PHACTR1: variants seen among roughly 807,000 people sequenced by gnomAD.
PHACTR1 encodes RPEL repeat containing 1.
Under a neutral mutation model 69.2 loss-of-function variants are expected in PHACTR1, and 16 were observed. The ratio of observed to expected loss-of-function variants is 0.23; its 90% CI spans 0.16 to 0.35. PHACTR1 has a LOEUF of 0.35. Among genes scored for constraint, PHACTR1 ranks in the 10% least tolerant of loss-of-function variants. The probability of loss-of-function intolerance (pLI) is 1.00; values close to 1 mark genes in which losing one functional copy is unlikely to be tolerated. For synonymous variants in PHACTR1, 312 were observed against 284.5 expected (o/e 1.10, Z -0.97); for missense variants, 510 against 734.7 (o/e 0.69, Z 3.54).
chr6:13,168,604 G>A (rs1760152655), intron 6 of PHACTR1, among the ~76,000 whole-genome samples: 2 of 152,172 alleles, frequency 1.3e-5, no homozygotes. Context: ...AATGGAGAAA[G>A]GATAGTATTT....
intron 4 of PHACTR1, among the ~76,000 whole-genome samples, chr6:12,877,098 C>T (rs889882291): frequency 8.5e-5 from 13 of 152,188 alleles, no homozygotes; most frequent in Non-Finnish European, 1.8e-4. Flanking sequence ...ATGCTAATCT[C>T]GTCCCAATGC....
intron 3 of PHACTR1, among the ~76,000 whole-genome samples, chr6:12,740,602 T>C (rs1478161987): frequency 6.6e-6 from 1 of 152,200 alleles, no homozygotes. Flanking sequence ...TATCTTTTTG[T>C]TGCTGTTTAA....
In PHACTR1 at chr6:13,051,200, C is replaced by T. The variant is rs187273654; in HGVS notation, c.251-2165C>T. Among the ~76,000 whole-genome samples, 10 of 152,214 alleles carry T rather than the reference C, an allele frequency of 6.6e-5. No individual in the cohort carries two copies. In the East Asian group the frequency reaches 1.9e-3, roughly 29 times the overall value. On this transcript the variant is annotated intron_variant, in intron 4 of 14. Coordinates refer to ENST00000332995, the MANE Select transcript of PHACTR1 (RefSeq NM_030948.6). ...TTTCCCCAAAGCAAGTATCTTCTGG[C>T]ATACTCTATAATTTATTTGGTTTCA...
At chr6:12,763,168 G>A (rs1408656089) in intron 4 of PHACTR1, among the ~76,000 whole-genome samples, 3 of 152,058 alleles carry the variant, frequency 2.0e-5, no homozygotes, top group Non-Finnish European at 1.5e-5. Flanking sequence ...AGCTAAGATC[G>A]TGCCATTGCA....
intron 9 of PHACTR1, 36 bp from the exon 10 acceptor site, chr6:13,230,001 T>C (rs372663660): frequency 3.0e-5 from 47 of 1,565,682 alleles, no homozygotes; most frequent in African/African-American, 4.1e-5. Flanking sequence ...CAGGCAGATA[T>C]GTAAGCCTTA....
intron 4 of PHACTR1, among the ~76,000 whole-genome samples, chr6:13,013,976 C>G (rs1799797810): frequency 6.6e-6 from 1 of 151,612 alleles, no homozygotes; most frequent in South Asian, 2.1e-4. Context: ...GCGCGAGCGC[C>G]GAGAAACCCA....
chr6:13,271,759 A>G (rs1480298602), intron 10 of PHACTR1, among the ~76,000 whole-genome samples: 1 of 151,958 alleles, frequency 6.6e-6, no homozygotes, highest in Non-Finnish European at 1.5e-5. Flanking sequence ...GAACTCATGG[A>G]CACAGAGGAC....
chr6:12,718,674 G>A, intron 2 of PHACTR1, 25 bp from the exon 3 acceptor site: 1 of 706,146 alleles, frequency 1.4e-6, no homozygotes, highest in Non-Finnish European at 2.3e-6. Flanking sequence ...CTAAAATATT[G>A]TGGATTTTTT....
At chr6:12,908,507 T>TAA (rs71801444) in intron 4 of PHACTR1, among the ~76,000 whole-genome samples, 3 of 146,158 alleles carry the variant, frequency 2.1e-5, no homozygotes, top group South Asian at 2.2e-4. Flanking sequence ...TGCAGAGATT[T>TAA]AAAAAAAAAA....
At chr6:12,772,280 C>T (rs1197221895) in intron 4 of PHACTR1, among the ~76,000 whole-genome samples, 2 of 152,186 alleles carry the variant, frequency 1.3e-5, no homozygotes, top group South Asian at 2.1e-4. Context: ...TCAGGATATG[C>T]AGGTTCACAT....
rs1301717193 is a variant in PHACTR1 at position 13,089,535 on chromosome 6, A to G, written c.415+36006A>G. 2.6e-5 allele frequency among the ~76,000 whole-genome samples: 4 copies of G among 152,212 alleles called. No individual in the cohort carries two copies. The East Asian group carries it at 7.7e-4, about 29-fold the overall frequency. On this transcript the variant is annotated intron_variant, in intron 5 of 14. Coordinates refer to ENST00000332995, the MANE Select transcript of PHACTR1 (RefSeq NM_030948.6). ...ATCATCATTTTTTGGGTAGAATTGC[A>G]GCATTTGAGAACTTGAAGAGACTTT...
intron 4 of PHACTR1, among the ~76,000 whole-genome samples, chr6:12,865,298 C>G (rs1781341994): frequency 6.6e-6 from 1 of 152,168 alleles, no homozygotes; most frequent in Non-Finnish European, 1.5e-5. Context: ...CTGCTTCAGA[C>G]TAGTGAAATG....
intron 6 of PHACTR1, among the ~76,000 whole-genome samples, chr6:13,165,872 G>A (rs901977263): frequency 4.1e-5 from 6 of 145,184 alleles, no homozygotes; most frequent in African/African-American, 1.6e-4. Flanking sequence ...CCTCTCTGTG[G>A]CATTTGCTTC....
intron 4 of PHACTR1, among the ~76,000 whole-genome samples, chr6:12,933,017 T>C (rs9473017): frequency 0.045 from 6,718 of 150,834 alleles, 472 homozygotes; most frequent in African/African-American, 0.15. Flanking sequence ...CTTACTGCAA[T>C]GGACGCCTCC....
intron 4 of PHACTR1, among the ~76,000 whole-genome samples, chr6:13,052,861 G>T (rs2127735411): frequency 6.6e-6 from 1 of 152,312 alleles, no homozygotes; most frequent in East Asian, 1.9e-4. Context: ...TGCTGCTGAA[G>T]GTCTAGGTAA....
intron 4 of PHACTR1, among the ~76,000 whole-genome samples, chr6:12,785,345 GGAA>G (rs1771410037): frequency 6.6e-6 from 1 of 152,182 alleles, no homozygotes; most frequent in South Asian, 2.1e-4. Flanking sequence ...GAGCTGTGAT[GGAA>G]GATAATAAAT....
intron 4 of PHACTR1, among the ~76,000 whole-genome samples, chr6:12,854,049 C>T (rs1780087236): frequency 6.6e-6 from 1 of 152,014 alleles, no homozygotes; most frequent in South Asian, 2.1e-4. Flanking sequence ...GTATTGACAA[C>T]CCCAGGTGAC....
intron 5 of PHACTR1, among the ~76,000 whole-genome samples, chr6:13,116,338 G>A (rs141532804): frequency 9.2e-5 from 14 of 152,334 alleles, no homozygotes; most frequent in South Asian, 2.1e-4. Flanking sequence ...GAGAAGCATT[G>A]CATGTAAGTG....
At chr6:13,039,023 G>A (rs1049209182) in intron 4 of PHACTR1, among the ~76,000 whole-genome samples, 7 of 152,138 alleles carry the variant, frequency 4.6e-5, no homozygotes, top group East Asian at 1.9e-4. Flanking sequence ...ATTGGTAAAA[G>A]CTATAATAGG....
Sources: gnomAD v4.1 joint callset for allele counts (sites outside exome capture counted in the v4.1 genomes callset) on GRCh38, gnomAD v4.1.1 for gene constraint, MANE v1.5 for transcripts, NCBI Gene and HGNC (gene_info 2026-07-23, HGNC 2026-07-21) for gene names.